The following NTPCR variants were observed in gnomAD, a reference collection of about 807,000 sequenced individuals.
NTPCR encodes cancer-related nucleoside-triphosphatase.
Under a neutral mutation model 19.5 loss-of-function variants are expected in NTPCR, and 15 were observed. That is an observed-to-expected ratio of 0.77 (90% CI 0.51 to 1.18). The LOEUF (loss-of-function observed/expected upper bound fraction) is 1.18. Ranked by LOEUF, NTPCR falls within the 50% of genes most tolerant of loss-of-function variation. The pLI is 0.00. For missense variants in NTPCR, 206 were observed against 240.4 expected (o/e 0.86, Z 0.95); for synonymous variants, 90 against 95.8 (o/e 0.94, Z 0.36).
intron 3 of NTPCR, chr1:232,964,481 A>G (rs763275955): frequency 5.9e-5 from 9 of 152,212 alleles, no homozygotes; most frequent in Non-Finnish European, 1.3e-4. Flanking sequence ...CCTCCTCATC[A>G]GATTTCCCCT....
intron 3 of NTPCR, among the ~76,000 whole-genome samples, chr1:232,957,212 T>C (rs1668535405): frequency 6.6e-6 from 1 of 152,246 alleles, no homozygotes; most frequent in African/African-American, 2.4e-5. Flanking sequence ...ACTGGTCTAA[T>C]AGAGTTAGGA....
chr1:232,960,523 T>C (rs1160191169), intron 3 of NTPCR, among the ~76,000 whole-genome samples: 1 of 151,894 alleles, frequency 6.6e-6, no homozygotes, highest in Non-Finnish European at 1.5e-5. Flanking sequence ...TTTGTATTTT[T>C]AGTAGAGACG....
intron 3 of NTPCR, chr1:232,964,374 A>G (rs1668757015): frequency 6.6e-6 from 1 of 152,146 alleles, no homozygotes; most frequent in African/African-American, 2.4e-5. Flanking sequence ...TGATTACCTG[A>G]TCAAGGACTT....
rs1362868646 is a variant in NTPCR at position 232,980,916 on chromosome 1, T to A, written c.*2685T>A. The A allele has an allele frequency of 6.6e-6, 1 of 152,196 alleles. No individual in the cohort carries two copies. The highest frequency in any genetic ancestry group is 1.9e-4 in the East Asian group (1 of 5,184). 9.4% of individuals were successfully genotyped at this position (152,196 alleles called of 1,614,324 possible). On this transcript the variant is annotated 3_prime_UTR_variant, in exon 5 of 5. Coordinates refer to ENST00000366628, the MANE Select transcript of NTPCR (RefSeq NM_032324.3). ...GATTCTCTTATACCTGAGTTTGGAATGCCTCCTATTCAAACAAAGCAAAAT... is the reference window on the plus strand; with the variant it reads ...GATTCTCTTATACCTGAGTTTGGAAAGCCTCCTATTCAAACAAAGCAAAAT...
At chr1:232,961,025 A>G (rs1260316215) in intron 3 of NTPCR, among the ~76,000 whole-genome samples, 1 of 152,202 alleles carries the variant, frequency 6.6e-6, no homozygotes, top group African/African-American at 2.4e-5. Context: ...AATGTTATGT[A>G]TAGTTTCATA....
At position 232,983,547 on chromosome 1, in the gene NTPCR, T is replaced by C. The variant is rs1393656252; in HGVS notation, c.*5316T>C. The C allele has an allele frequency of 2.6e-5, 4 of 152,252 alleles. No homozygotes were observed. Among genetic ancestry groups the C allele is most frequent in the African/African-American group, 9.6e-5 (4 of 41,476 alleles). The allele number at this position is 152,252 out of a possible 1,614,324, so 9.4% of individuals were successfully genotyped here. A position where few individuals can be genotyped will look rare whatever the true frequency, so the allele number is the denominator to read the frequency against. ...CGTCCCTGTGAAGCCCGCAGGGTGC[T>C]GGCGGCCCACCAATCGCCTGGACTA... is the stretch of plus-strand genomic sequence containing the variant. On this transcript the variant is annotated 3_prime_UTR_variant, in exon 5 of 5. Coordinates refer to ENST00000366628, the MANE Select transcript of NTPCR (RefSeq NM_032324.3).
chr1:232,971,451 C>G (rs1158075382), intron 4 of NTPCR, among the ~76,000 whole-genome samples: 1 of 152,102 alleles, frequency 6.6e-6, no homozygotes, highest in Non-Finnish European at 1.5e-5. Flanking sequence ...ATGTTGCCAC[C>G]AAGAATCCTG....
In NTPCR at chr1:232,955,612, T is replaced by C; in HGVS notation, c.90T>C (p.Gly30=). ...HKASEVLKSS[G]VPVDGFYTEE... ...CCAGTGAGGTTTTAAAATCCTCTGGTGTGCCTGTTGATGGATTTTATACCG... is the reference window on the plus strand; with the variant it reads ...CCAGTGAGGTTTTAAAATCCTCTGGCGTGCCTGTTGATGGATTTTATACCG... The change falls in exon 2 of 5, where the codon GGT becomes GGC. Residue 30 remains glycine, a synonymous_variant. Coordinates refer to ENST00000366628, the MANE Select transcript of NTPCR (RefSeq NM_032324.3). 1 of 1,612,212 alleles carries C rather than the reference T, an allele frequency of 6.2e-7. No individual in the cohort carries two copies. Among genetic ancestry groups the C allele is most frequent in the Non-Finnish European group, 8.5e-7 (1 of 1,179,628 alleles).
chr1:232,969,807 C>CT, intron 3 of NTPCR, 102 bp from the exon 4 acceptor site: 1 of 944,936 alleles, frequency 1.1e-6, no homozygotes, highest in Non-Finnish European at 1.7e-6. Context: ...AAAAAGGTTT[C>CT]TGTCTTTTTT....
intron 3 of NTPCR, chr1:232,962,106 C>T (rs1668682340): frequency 6.6e-6 from 1 of 152,122 alleles, no homozygotes; most frequent in South Asian, 2.1e-4. Context: ...CTCACTTAAT[C>T]CTCAGAACAC....
chr1:232,974,177 A>G (rs749645577), intron 4 of NTPCR, among the ~76,000 whole-genome samples: 1 of 152,250 alleles, frequency 6.6e-6, no homozygotes, highest in Non-Finnish European at 1.5e-5. Context: ...ATAGGGTAAA[A>G]ACAATATGAG....
intron 3 of NTPCR, chr1:232,963,747 T>A (rs12031882): frequency 6.6e-6 from 1 of 151,930 alleles, no homozygotes; most frequent in Admixed American, 6.6e-5. Flanking sequence ...AAGTTATAAG[T>A]GTAAGAATAG....
intron 3 of NTPCR, chr1:232,967,438 AT>A (rs1251298375): frequency 6.6e-6 from 1 of 152,186 alleles, no homozygotes; most frequent in Non-Finnish European, 1.5e-5. Context: ...CAGATTGAGG[AT>A]TTTATGTAAG....
intron 1 of NTPCR, among the ~76,000 whole-genome samples, chr1:232,953,704 T>C (rs1558124870): frequency 6.6e-6 from 1 of 152,198 alleles, no homozygotes; most frequent in African/African-American, 2.4e-5. Flanking sequence ...TGTATTCTTC[T>C]TGACATTTTT....
At chr1:232,958,460 G>A (rs1668574301) in intron 3 of NTPCR, among the ~76,000 whole-genome samples, 1 of 152,206 alleles carries the variant, frequency 6.6e-6, no homozygotes, top group South Asian at 2.1e-4. Flanking sequence ...TGTAGTGGTG[G>A]TTGCCCAAAG....
chr1:232,971,664 G>A (rs116293506), intron 4 of NTPCR, among the ~76,000 whole-genome samples: 2,435 of 152,306 alleles, frequency 0.016, 39 homozygotes, highest in Middle Eastern at 0.031. Flanking sequence ...CATTCTAATG[G>A]AGGAGCTGAA....
chr1:232,955,386 A>C (rs1668481001), intron 1 of NTPCR, among the ~76,000 whole-genome samples, 171 bp from the exon 2 acceptor site: 1 of 152,170 alleles, frequency 6.6e-6, no homozygotes, highest in Non-Finnish European at 1.5e-5. Context: ...CATTTTTAGC[A>C]CCTGGAGCAA....
chr1:232,950,931 A>T lies in NTPCR; in HGVS notation c.34+187A>T, dbSNP rs534883705. The T allele has an allele frequency of 3.9e-4, 226 of 572,366 alleles. 1 individual carries two copies. Among genetic ancestry groups the T allele is most frequent in the African/African-American group, 3.9e-3 (200 of 51,654 alleles). 35.5% of individuals were successfully genotyped at this position (572,366 alleles called of 1,614,324 possible). A position where few individuals can be genotyped will look rare whatever the true frequency, so the allele number is the denominator to read the frequency against. ...CTTCCCGGAAAACGTGATTTAAAAGACACAGGGCCTAAAGGATTAGAACAC... is the reference window on the plus strand; with the variant it reads ...CTTCCCGGAAAACGTGATTTAAAAGTCACAGGGCCTAAAGGATTAGAACAC... On this transcript the variant is annotated intron_variant, in intron 1 of 4. Coordinates refer to ENST00000366628, the MANE Select transcript of NTPCR (RefSeq NM_032324.3).
At chr1:232,960,631 T>C (rs1043466686) in intron 3 of NTPCR, among the ~76,000 whole-genome samples, 1 of 152,124 alleles carries the variant, frequency 6.6e-6, no homozygotes, top group Non-Finnish European at 1.5e-5. Context: ...CGTGAACCAC[T>C]GTGCCTAGCC....
Sources: gnomAD v4.1 joint callset for allele counts (sites outside exome capture counted in the v4.1 genomes callset) on GRCh38, gnomAD v4.1.1 for gene constraint, MANE v1.5 for transcripts, NCBI Gene and HGNC (gene_info 2026-07-23, HGNC 2026-07-21) for gene names.